The following ZNF212 variants were observed in gnomAD, a reference collection of about 807,000 sequenced individuals.
The protein encoded by ZNF212 is zinc finger protein 212, also known as Zinc finger protein C2H2-150.
ZNF212 carries 32 observed loss-of-function variants against 47.3 expected under a neutral mutation model. The observed-to-expected ratio is 0.68, with a 90% CI of 0.51 to 0.91. The LOEUF (loss-of-function observed/expected upper bound fraction) is 0.91, where lower values mean the gene tolerates loss of function less well. Among genes scored for constraint, ZNF212 ranks in the 40% least tolerant of loss-of-function variants. ZNF212 has a pLI of 0.00. For synonymous variants in ZNF212, 242 were observed against 253.8 expected (o/e 0.95, Z 0.44); for missense variants, 555 against 622.8 (o/e 0.89, Z 1.16).
chr7:149,245,877 G>A (rs1796669448), intron 1 of ZNF212, among the ~76,000 whole-genome samples: 1 of 152,190 alleles, frequency 6.6e-6, no homozygotes, highest in South Asian at 2.1e-4. Context: ...TCCCCTAAGA[G>A]TGTGTAGTAT....
chr7:149,252,933 T>C (rs1341249246), intron 4 of ZNF212, 138 bp downstream of exon 4: 1 of 788,426 alleles, frequency 1.3e-6, no homozygotes, highest in Non-Finnish European at 2.1e-6. Context: ...TTTATGATTG[T>C]CGTTAGTTCA....
chr7:149,247,642 A>G (rs1356826359), intron 1 of ZNF212, among the ~76,000 whole-genome samples: 1 of 152,178 alleles, frequency 6.6e-6, no homozygotes, highest in Non-Finnish European at 1.5e-5. Flanking sequence ...GGAAGCTTAA[A>G]TAACAGAAAT....
Position 149,250,490 on chromosome 7 carries a change from G to T in ZNF212, c.356G>T (p.Arg119Leu). 6.2e-7 allele frequency: 1 copy of T among 1,614,038 alleles called. No individual in the cohort carries two copies. The highest frequency in any genetic ancestry group is 8.5e-7 in the Non-Finnish European group (1 of 1,180,008). Residue 119 changes from arginine to leucine, a missense_variant, in exon 2 of 5, where the codon CGC becomes CTC. By Grantham distance (102) the Arg-to-Leu change is moderately radical. Coordinates refer to ENST00000335870, the MANE Select transcript of ZNF212 (RefSeq NM_012256.4). ...RRLENVENLL[R>L]NRNFWILRLP... is the part of the protein sequence containing the mutation. ...CTGGAGAACGTGGAGAACCTGCTGC[G>T]CAACAGGAACTTCTGGATCCTGCGG...
Position 149,239,681 on chromosome 7 carries a change from C to CGGT in ZNF212, c.-96_-95insTGG, listed in dbSNP as rs2129524103. ...GCACCTGGCATCAACACGGCGGCGG[C>CGGT]GGCGGCGGCTTCCAACAGGCTCTGG... is the stretch of plus-strand genomic sequence containing the variant. On this transcript the variant is annotated 5_prime_UTR_variant, in exon 1 of 5. Coordinates refer to ENST00000335870, the MANE Select transcript of ZNF212 (RefSeq NM_012256.4). The CGGT allele has an allele frequency of 1.6e-6, 2 of 1,284,416 alleles. No individual in the cohort carries two copies. Among genetic ancestry groups the CGGT allele is most frequent in the South Asian group, 2.8e-5 (1 of 35,262 alleles). The allele number at this position is 1,284,416 out of a possible 1,614,324, so 79.6% of individuals were successfully genotyped here.
intron 3 of ZNF212, 124 bp downstream of exon 3, chr7:149,250,931 C>T (rs1214742455): frequency 3.1e-6 from 4 of 1,304,022 alleles, no homozygotes; most frequent in Non-Finnish European, 4.2e-6. Context: ...CCTGCACGGG[C>T]AGAGAAATGC....
intron 1 of ZNF212, among the ~76,000 whole-genome samples, chr7:149,241,543 A>G (rs1796588393): frequency 6.6e-6 from 1 of 152,012 alleles, no homozygotes; most frequent in Non-Finnish European, 1.5e-5. Context: ...TTCTCTTCTC[A>G]GACATTTCAG....
Position 149,254,289 on chromosome 7 carries a change from C to G in ZNF212, c.1362C>G (p.Pro454=). 6.2e-7 allele frequency: 1 copy of G among 1,614,188 alleles called. No individual in the cohort carries two copies. The highest frequency in any genetic ancestry group is 8.5e-7 in the Non-Finnish European group (1 of 1,180,044). ...RHQRIHTGER[P]YSCTECEKSF... ...AGCGCATCCACACGGGTGAGCGGCC[C>G]TACAGCTGCACTGAGTGTGAGAAGA... Residue 454 remains proline (P), a synonymous_variant, in exon 5 of 5, where the codon CCC becomes CCG. Coordinates refer to ENST00000335870, the MANE Select transcript of ZNF212 (RefSeq NM_012256.4). This position sits in a 1 kb window ranked among gnomAD's most constrained non-coding sequence, Gnocchi z 4.5.
chr7:149,241,768 A>G (rs1796592393), intron 1 of ZNF212, among the ~76,000 whole-genome samples: 3 of 152,198 alleles, frequency 2.0e-5, no homozygotes, highest in Admixed American at 1.3e-4. Context: ...TTTATGATTC[A>G]AGGGACCTGC....
In ZNF212 at chr7:149,239,692, T is replaced by G; in HGVS notation, c.-87T>G. 1.2e-6 allele frequency: 1 copy of G among 823,376 alleles called. No homozygotes were observed. Among genetic ancestry groups the G allele is most frequent in the Non-Finnish European group, 1.6e-6 (1 of 627,720 alleles). The allele number at this position is 823,376 out of a possible 1,614,324, so 51.0% of individuals were successfully genotyped here. On this transcript the variant is annotated 5_prime_UTR_variant, in exon 1 of 5. Transcript: ENST00000335870. ...CAACACGGCGGCGGCGGCGGCGGCT[T>G]CCAACAGGCTCTGGGGCGCCGAGCG...
chr7:149,246,773 A>G (rs958481268), intron 1 of ZNF212, among the ~76,000 whole-genome samples: 27 of 150,412 alleles, frequency 1.8e-4, no homozygotes, highest in Non-Finnish European at 4.4e-5. Flanking sequence ...TTTTCCAAAC[A>G]TGTAAATGAA....
At chr7:149,246,632 C>T (rs1033801669) in intron 1 of ZNF212, among the ~76,000 whole-genome samples, 2 of 151,988 alleles carry the variant, frequency 1.3e-5, no homozygotes, top group South Asian at 2.1e-4. Context: ...ATGATCAATC[C>T]GCCCTCCTCG....
At chr7:149,253,315 AC>A (rs1476928323) in intron 4 of ZNF212, among the ~76,000 whole-genome samples, 1 of 152,216 alleles carries the variant, frequency 6.6e-6, no homozygotes, top group Non-Finnish European at 1.5e-5. Flanking sequence ...AGCTTGGAGA[AC>A]TATCATTTAC....
rs1417061017 is a variant in ZNF212, at chr7:149,241,447, A to AAG, written c.24+1646_24+1647insGA. 2.0e-5 allele frequency among the ~76,000 whole-genome samples: 3 copies of AAG among 151,506 alleles called. No homozygotes were observed. The East Asian group carries it at 5.8e-4, about 29-fold the overall frequency. ...ACTCTGTCTCAAAAAAAAAAAAAAA[A>AAG]AAAAAGTCCACCACAATCCCAAACT... On this transcript the variant is annotated intron_variant, in intron 1 of 4. Transcript: ENST00000335870.
intron 1 of ZNF212, among the ~76,000 whole-genome samples, chr7:149,240,449 GT>G: frequency 6.8e-6 from 1 of 147,944 alleles, no homozygotes; most frequent in Non-Finnish European, 1.5e-5. Flanking sequence ...AAGATACGGA[GT>G]TTGGTGTGAG....
intron 1 of ZNF212, among the ~76,000 whole-genome samples, chr7:149,244,102 A>C (rs984664736): frequency 5.9e-5 from 9 of 151,718 alleles, no homozygotes; most frequent in African/African-American, 2.2e-4. Flanking sequence ...CACCCGGCTA[A>C]TTTTGTATTT....
rs374109488 is a variant in ZNF212, at chr7:149,250,785, C to G, written c.519C>G (p.Asn173Lys). The G allele has an allele frequency of 1.9e-5, 31 of 1,614,108 alleles. No individual in the cohort carries two copies. The highest frequency in any genetic ancestry group is 2.5e-5 in the Non-Finnish European group (30 of 1,180,054). The change falls in exon 3 of 5, where the codon AAC becomes AAG. Residue 173 changes from asparagine (N) to lysine (K), a missense_variant. Coordinates refer to ENST00000335870, the MANE Select transcript of ZNF212 (RefSeq NM_012256.4). The part of the protein sequence containing the change: ...KELYRNVMES[N>K]YETLVSLKVL... Reference sequence around the variant, plus strand: ...TCTACAGAAACGTGATGGAGAGTAACTATGAGACACTGGTCTCTCTGAGTG... The same window carrying G: ...TCTACAGAAACGTGATGGAGAGTAAGTATGAGACACTGGTCTCTCTGAGTG...
intron 1 of ZNF212, among the ~76,000 whole-genome samples, chr7:149,246,946 G>A (rs961234355): frequency 2.0e-5 from 3 of 150,264 alleles, no homozygotes; most frequent in African/African-American, 7.4e-5. Context: ...CCGAGTAGCT[G>A]GTATTACAGG....
intron 3 of ZNF212, chr7:149,251,191 CT>C: frequency 2.2e-5 from 5 of 227,468 alleles, no homozygotes; most frequent in South Asian, 9.0e-5. Context: ...TTTTTTTTTT[CT>C]TTTTTTCTTT....
In ZNF212 at chr7:149,255,237, C is replaced by G. The variant is rs190602159; in HGVS notation, c.*822C>G. 23 of 152,690 alleles carry G rather than the reference C, an allele frequency of 1.5e-4. No homozygotes were observed. In the Middle Eastern group the frequency reaches 0.014, roughly 90 times the overall value. The allele number at this position is 152,690 out of a possible 1,614,324, so 9.5% of individuals were successfully genotyped here. ...TGGTATGGCTGTGGTCTGGGACTTGCGGTGTCTCGGCATACCCCTCTCCTC... is the reference window on the plus strand; with the variant it reads ...TGGTATGGCTGTGGTCTGGGACTTGGGGTGTCTCGGCATACCCCTCTCCTC... On this transcript the variant is annotated 3_prime_UTR_variant, in exon 5 of 5. Coordinates refer to ENST00000335870, the MANE Select transcript of ZNF212 (RefSeq NM_012256.4).
Sources: gnomAD v4.1 joint callset for allele counts (sites outside exome capture counted in the v4.1 genomes callset) on GRCh38, gnomAD v4.1.1 for gene constraint, Gnocchi (gnomAD v3.1) non-coding constraint, MANE v1.5 for transcripts, NCBI Gene and HGNC (gene_info 2026-07-23, HGNC 2026-07-21) for gene names.